CTNNA2: variants seen among roughly 807,000 people sequenced by gnomAD.
The protein encoded by CTNNA2 is catenin alpha-2.
A neutral mutation model predicts 101.0 loss-of-function variants in CTNNA2; 42 were observed. The observed-to-expected ratio is 0.42, with a 90% CI of 0.32 to 0.54. The LOEUF (loss-of-function observed/expected upper bound fraction) is 0.54. CTNNA2 is among the 20% of genes least tolerant of loss of function. The pLI is 0.14. For synonymous variants in CTNNA2, 450 were observed against 456.4 expected, an observed-to-expected ratio of 0.99 and a Z score of 0.18; for missense variants, 871 against 1,223.1, an observed-to-expected ratio of 0.71 and a Z score of 4.29.
chr2:80,434,914 GT>G (rs950264010), intron 9 of CTNNA2, among the ~76,000 whole-genome samples: 5 of 151,872 alleles, frequency 3.3e-5, no homozygotes, highest in African/African-American at 9.7e-5. Context: ...CTTTGAATGA[GT>G]TTTTTTTCCT....
intron 4 of CTNNA2, among the ~76,000 whole-genome samples, chr2:79,424,040 T>C (rs933730216): frequency 6.6e-6 from 1 of 152,020 alleles, no homozygotes; most frequent in African/African-American, 2.4e-5. Flanking sequence ...ATAAGTTGTT[T>C]CTCTAGCTTG....
chr2:80,179,803 G>T (rs747104048), intron 7 of CTNNA2, among the ~76,000 whole-genome samples: 33 of 152,148 alleles, frequency 2.2e-4, no homozygotes, highest in Non-Finnish European at 4.1e-4. Flanking sequence ...CTTCCATTTG[G>T]CCTTTCCCTC....
chr2:80,324,103 G>A (rs1678997698), intron 7 of CTNNA2, among the ~76,000 whole-genome samples: 1 of 152,076 alleles, frequency 6.6e-6, no homozygotes, highest in Admixed American at 6.5e-5. Flanking sequence ...TCAGGCTGCT[G>A]TTTTACACAA....
chr2:80,377,417 T>C (rs2149343134), intron 7 of CTNNA2, among the ~76,000 whole-genome samples: 1 of 152,338 alleles, frequency 6.6e-6, no homozygotes, highest in South Asian at 2.1e-4. Flanking sequence ...ATTTTTACCA[T>C]AATCTTGGGT....
At chr2:80,378,993 T>A (rs1234558223) in intron 7 of CTNNA2, among the ~76,000 whole-genome samples, 1 of 151,818 alleles carries the variant, frequency 6.6e-6, no homozygotes, top group Non-Finnish European at 1.5e-5. Context: ...AGGGCAGAAG[T>A]GGGATTTAGG....
intron 1 of CTNNA2, among the ~76,000 whole-genome samples, chr2:79,614,801 G>A (rs2104232960): frequency 6.6e-6 from 1 of 152,296 alleles, no homozygotes. Flanking sequence ...TGAAATGTAT[G>A]TGTGTGCATT....
intron 3 of CTNNA2, among the ~76,000 whole-genome samples, chr2:79,335,177 C>A (rs1430296464): frequency 2.0e-5 from 3 of 152,196 alleles, no homozygotes; most frequent in South Asian, 4.1e-4. Context: ...CACTTCATCT[C>A]ATTTCCCTGG....
chr2:80,567,944 T>C (rs1694208601), intron 12 of CTNNA2, among the ~76,000 whole-genome samples: 1 of 152,208 alleles, frequency 6.6e-6, no homozygotes. Flanking sequence ...GCTTTGTCTA[T>C]TTTCTTTTCT....
chr2:79,337,102 C>A (rs1404162908), intron 3 of CTNNA2, among the ~76,000 whole-genome samples: 1 of 152,132 alleles, frequency 6.6e-6, no homozygotes, highest in African/African-American at 2.4e-5. Context: ...ACAGACCTGA[C>A]AAAGGGTCAT....
intron 1 of CTNNA2, among the ~76,000 whole-genome samples, chr2:79,644,664 CAA>C (rs1680681479): frequency 6.6e-6 from 1 of 152,176 alleles, no homozygotes; most frequent in African/African-American, 2.4e-5. Context: ...AAACTGACCT[CAA>C]GACCTGCTCT....
chr2:79,852,628 C>T (rs565402783), intron 3 of CTNNA2, among the ~76,000 whole-genome samples: 8 of 152,358 alleles, frequency 5.3e-5, no homozygotes, highest in African/African-American at 1.9e-4. Flanking sequence ...AGTCTCACTC[C>T]GTCACCAGGC....
chr2:79,464,641 AC>A (rs1211891054), intron 4 of CTNNA2, among the ~76,000 whole-genome samples: 4 of 152,058 alleles, frequency 2.6e-5, no homozygotes, highest in African/African-American at 9.7e-5. Context: ...CCTCTCCAGC[AC>A]CTGTTGTTTC....
chr2:80,437,510 C>G (rs1290358501), intron 9 of CTNNA2, among the ~76,000 whole-genome samples: 2 of 152,178 alleles, frequency 1.3e-5, no homozygotes, highest in Non-Finnish European at 2.9e-5. Flanking sequence ...ATACCATTAG[C>G]TTCCAAGTGA....
chr2:80,022,745 A>G (rs948119610), intron 7 of CTNNA2, among the ~76,000 whole-genome samples: 2 of 152,212 alleles, frequency 1.3e-5, no homozygotes, highest in African/African-American at 4.8e-5. Flanking sequence ...AGAACAGTGC[A>G]ACTGGAATAC....
At chr2:79,395,705 C>A (rs952770294) in intron 4 of CTNNA2, among the ~76,000 whole-genome samples, 1 of 152,156 alleles carries the variant, frequency 6.6e-6, no homozygotes, top group Admixed American at 6.6e-5. Context: ...GTTTCATCAG[C>A]TCTGGAAGGT....
At chr2:79,241,987 G>A (rs1350906551) in intron 2 of CTNNA2, among the ~76,000 whole-genome samples, 1 of 151,742 alleles carries the variant, frequency 6.6e-6, no homozygotes, top group African/African-American at 2.4e-5. Context: ...CTCACTGCAA[G>A]CTCCACCTCC....
intron 3 of CTNNA2, among the ~76,000 whole-genome samples, chr2:79,773,004 G>T (rs1673703687): frequency 6.6e-6 from 1 of 152,180 alleles, no homozygotes; most frequent in Non-Finnish European, 1.5e-5. Flanking sequence ...TAGGTTTAGG[G>T]CTTGCTTGCT....
At chr2:79,945,731 A>G (rs1339344626) in intron 7 of CTNNA2, among the ~76,000 whole-genome samples, 2 of 152,326 alleles carry the variant, frequency 1.3e-5, no homozygotes, top group Admixed American at 6.5e-5. Flanking sequence ...GTCACAAGCC[A>G]TATCCTCTGA....
chr2:80,468,398 A>C (rs1252612189), intron 9 of CTNNA2, among the ~76,000 whole-genome samples: 2 of 151,746 alleles, frequency 1.3e-5, no homozygotes, highest in Non-Finnish European at 2.9e-5. Flanking sequence ...TTATTGCGTC[A>C]TGTGCTATTT....
Sources: gnomAD v4.1 joint callset for allele counts (sites outside exome capture counted in the v4.1 genomes callset) on GRCh38, gnomAD v4.1.1 for gene constraint, MANE v1.5 for transcripts, NCBI Gene and HGNC (gene_info 2026-07-23, HGNC 2026-07-21) for gene names.